CACNA1A: variants seen among roughly 807,000 people sequenced by gnomAD.
CACNA1A encodes the protein calcium voltage-gated channel subunit alpha1 A, also known as voltage-dependent P/Q-type calcium channel subunit alpha-1A.
CACNA1A carries 57 observed loss-of-function variants against 262.4 expected under a neutral mutation model. The ratio of observed to expected loss-of-function variants is 0.22; its 90% CI spans 0.18 to 0.27. CACNA1A has a LOEUF of 0.27. Among genes scored for constraint, CACNA1A ranks in the 10% least tolerant of loss-of-function variants. The probability of loss-of-function intolerance (pLI) is 1.00; values close to 1 mark genes in which losing one functional copy is unlikely to be tolerated. For missense variants in CACNA1A, 2,526 were observed against 3,562.8 expected (o/e 0.71, Z 7.41); for synonymous variants, 1,431 against 1,419.3 (o/e 1.01, Z -0.18).
chr19:13,360,975 C>T (rs760943969), intron 5 of CACNA1A, among the ~76,000 whole-genome samples: 1 of 151,926 alleles, frequency 6.6e-6, no homozygotes, highest in Non-Finnish European at 1.5e-5. Context: ...CTTTATGGTC[C>T]ATAATATAGT....
chr19:13,488,268 C>T (rs1980272463), intron 1 of CACNA1A, among the ~76,000 whole-genome samples: 1 of 151,908 alleles, frequency 6.6e-6, no homozygotes, highest in South Asian at 2.1e-4. Flanking sequence ...CTAACTCTGG[C>T]TGAACTTTAG....
Position 13,235,016 on chromosome 19 carries a change from G to A in CACNA1A, c.5154C>T (p.Ile1718=), listed in dbSNP as rs751799133. ...CATCACTGTCCTCGTCCTCCACGTC[G>A]ATGCCAATGTTACCAAACACCTGTG... ...IGMQVFGNIG[I]DVEDEDSDED... is the part of the protein sequence containing the mutation. Residue 1718 remains isoleucine (I), a synonymous_variant, in exon 34 of 47, where the codon ATC becomes ATT. Transcript: ENST00000360228. The A allele has an allele frequency of 9.9e-6, 16 of 1,613,052 alleles. No homozygotes were observed. Among genetic ancestry groups the A allele is most frequent in the South Asian group, 2.2e-5 (2 of 91,072 alleles).
chr19:13,452,750 G>A (rs918577768), intron 3 of CACNA1A, 126 bp downstream of exon 3: 1 of 784,716 alleles, frequency 1.3e-6, no homozygotes, highest in South Asian at 1.9e-5. Flanking sequence ...AAGGAGGCAG[G>A]CGCATAACAA....
chr19:13,442,382 T>C (rs536160433), intron 3 of CACNA1A, among the ~76,000 whole-genome samples: 46 of 152,274 alleles, frequency 3.0e-4, no homozygotes, highest in African/African-American at 1.1e-3. Flanking sequence ...GGTTGAGGGA[T>C]GCTACCGAGG....
chr19:13,429,617 CT>C (rs1347113521), intron 3 of CACNA1A, among the ~76,000 whole-genome samples: 2 of 149,962 alleles, frequency 1.3e-5, no homozygotes, highest in African/African-American at 2.5e-5. Context: ...AAAAATTCCA[CT>C]TCTGGGTCTA....
In CACNA1A at chr19:13,212,311, G is replaced by A; in HGVS notation, c.6189+73C>T. On this transcript the variant is annotated intron_variant, in intron 42 of 46. Coordinates refer to ENST00000360228, the MANE Select transcript of CACNA1A (RefSeq NM_001127222.2). The surrounding 1 kb of genome is among the most constrained non-coding windows in gnomAD (Gnocchi z 5.6). ...GAGGGAGCTGCAGGTGTGTGTGTGT[G>A]GGGGGCCCAGATCCCTTCCACCTGA... 1 of 1,566,820 alleles carries A rather than the reference G, an allele frequency of 6.4e-7. No individual in the cohort carries two copies. The highest frequency in any genetic ancestry group is 8.8e-7 in the Non-Finnish European group (1 of 1,140,374).
At chr19:13,359,213 T>C (rs2059059291) in intron 6 of CACNA1A, among the ~76,000 whole-genome samples, 1 of 152,170 alleles carries the variant, frequency 6.6e-6, no homozygotes, top group Non-Finnish European at 1.5e-5. Flanking sequence ...GGGAGTGGTA[T>C]GGCTGGAGAA....
At chr19:13,210,582 AG>A (rs1202783024) in intron 44 of CACNA1A, 34 bp downstream of exon 44, 2 of 1,545,834 alleles carry the variant, frequency 1.3e-6, no homozygotes, top group African/African-American at 2.7e-5. Context: ...AGGGGGCCGG[AG>A]CCCTGCTGGG....
At chr19:13,356,614 C>G (rs1382819541) in intron 6 of CACNA1A, among the ~76,000 whole-genome samples, 1 of 152,204 alleles carries the variant, frequency 6.6e-6, no homozygotes. Context: ...TCTGAACCCC[C>G]AGACGCTTTC....
At chr19:13,213,911 C>T (rs761119244) in intron 40 of CACNA1A, 43 of 284,330 alleles carry the variant, frequency 1.5e-4, no homozygotes, top group Non-Finnish European at 2.5e-4. Context: ...GTCTCCCACT[C>T]CTGGCCTCAA....
chr19:13,432,680 A>G (rs2060533274), intron 3 of CACNA1A, among the ~76,000 whole-genome samples: 1 of 151,020 alleles, frequency 6.6e-6, no homozygotes, highest in African/African-American at 2.5e-5. Context: ...AATGTAATAT[A>G]CAACATAAGG....
intron 8 of CACNA1A, among the ~76,000 whole-genome samples, chr19:13,333,355 C>A (rs2058498651): frequency 6.6e-6 from 1 of 152,166 alleles, no homozygotes; most frequent in South Asian, 2.1e-4. Context: ...CAGCTTCCTT[C>A]TTCACGTCCT....
intron 3 of CACNA1A, among the ~76,000 whole-genome samples, chr19:13,425,382 G>A (rs1468969450): frequency 6.6e-6 from 1 of 152,076 alleles, no homozygotes; most frequent in Non-Finnish European, 1.5e-5. Flanking sequence ...GAGCAGGGGT[G>A]GGGCAAAGTC....
At chr19:13,399,797 G>A (rs549136374) in intron 3 of CACNA1A, among the ~76,000 whole-genome samples, 1 of 152,152 alleles carries the variant, frequency 6.6e-6, no homozygotes, top group Non-Finnish European at 1.5e-5. Flanking sequence ...GATAAGGGAC[G>A]AGTGAGGAGC....
chr19:13,382,428 G>T lies in CACNA1A; in HGVS notation c.540-10649C>A, dbSNP rs557485914. Among the ~76,000 whole-genome samples, 5 of 152,262 alleles carry T rather than the reference G, an allele frequency of 3.3e-5. No individual in the cohort carries two copies. In the South Asian group the frequency reaches 1.0e-3, roughly 32 times the overall value. On this transcript the variant is annotated intron_variant, in intron 3 of 46. Transcript: ENST00000360228. Reference sequence around the variant, plus strand: ...TGCATTACCTCACAGCCTCCTCCCTGGAAGGATAAGAAGGAATTAGGAGGA... The same window carrying T: ...TGCATTACCTCACAGCCTCCTCCCTTGAAGGATAAGAAGGAATTAGGAGGA...
intron 3 of CACNA1A, among the ~76,000 whole-genome samples, chr19:13,410,778 C>T (rs1285173856): frequency 2.0e-5 from 3 of 152,136 alleles, no homozygotes; most frequent in African/African-American, 4.8e-5. Flanking sequence ...TTTGAGTCAA[C>T]ACATCAGCAT....
chr19:13,387,965 G>T (rs2059643472), intron 3 of CACNA1A, among the ~76,000 whole-genome samples: 1 of 152,194 alleles, frequency 6.6e-6, no homozygotes, highest in Non-Finnish European at 1.5e-5. Flanking sequence ...GATTAGGGGA[G>T]TGAGAAGGAG....
At chr19:13,413,745 G>A (rs1246612291) in intron 3 of CACNA1A, among the ~76,000 whole-genome samples, 2 of 150,616 alleles carry the variant, frequency 1.3e-5, no homozygotes, top group Non-Finnish European at 3.0e-5. Flanking sequence ...GCCGGGTGTG[G>A]TGCCAGGTAC....
intron 10 of CACNA1A, among the ~76,000 whole-genome samples, chr19:13,319,050 G>A (rs1211545363): frequency 6.6e-6 from 1 of 151,724 alleles, no homozygotes; most frequent in African/African-American, 2.4e-5. Flanking sequence ...CACCATGCCC[G>A]CTTAATTAAA....
Sources: allele counts gnomAD v4.1 joint callset (sites outside exome capture counted in the v4.1 genomes callset), GRCh38; gene constraint gnomAD v4.1.1; non-coding constraint Gnocchi (gnomAD v3.1); transcripts MANE v1.5; gene names NCBI Gene and HGNC (gene_info 2026-07-23, HGNC 2026-07-21).